The following THSD4 variants were observed in gnomAD, a reference collection of about 807,000 sequenced individuals.
THSD4 encodes thrombospondin type-1 domain-containing protein 4.
Under a neutral mutation model 119.0 loss-of-function variants are expected in THSD4, and 69 were observed. That is an observed-to-expected ratio of 0.58 (90% CI 0.48 to 0.71). THSD4 has a LOEUF of 0.71. Ranked by LOEUF, THSD4 falls within the 30% of genes least tolerant of loss-of-function variation. THSD4 has a pLI of 0.00. For synonymous variants in THSD4, 524 were observed against 540.4 expected, an observed-to-expected ratio of 0.97 and a Z score of 0.42; for missense variants, 1,393 against 1,391.1, an observed-to-expected ratio of 1.00 and a Z score of -0.02.
chr15:71,442,536 T>A, intron 7 of THSD4, among the ~76,000 whole-genome samples: 1 of 119,176 alleles, frequency 8.4e-6, no homozygotes, highest in Non-Finnish European at 1.7e-5. Flanking sequence ...ACCACTACAC[T>A]CCAGCCTGGG....
intron 1 of THSD4, among the ~76,000 whole-genome samples, chr15:71,101,847 G>A (rs1423754875): frequency 6.6e-6 from 1 of 151,904 alleles, no homozygotes; most frequent in Non-Finnish European, 1.5e-5. Context: ...CTGAGTAGCT[G>A]GGACTACGGG....
intron 3 of THSD4, among the ~76,000 whole-genome samples, chr15:71,207,131 A>G (rs781654340): frequency 1.3e-5 from 2 of 152,144 alleles, no homozygotes; most frequent in East Asian, 1.9e-4. Context: ...TTATTTGACC[A>G]TCCTTATATT....
chr15:71,288,770 T>C (rs559230289), intron 6 of THSD4, among the ~76,000 whole-genome samples: 8 of 152,340 alleles, frequency 5.3e-5, no homozygotes, highest in African/African-American at 1.9e-4. Flanking sequence ...ATAGTGCCTA[T>C]ATGTATGTGT....
At chr15:71,679,403 C>A (rs974819300) in intron 8 of THSD4, among the ~76,000 whole-genome samples, 1 of 152,134 alleles carries the variant, frequency 6.6e-6, no homozygotes, top group Non-Finnish European at 1.5e-5. Context: ...GAGAAAGCAG[C>A]ATAGACAATA....
intron 7 of THSD4, among the ~76,000 whole-genome samples, chr15:71,615,885 G>T (rs1436585940): frequency 3.3e-5 from 5 of 152,166 alleles, no homozygotes; most frequent in Non-Finnish European, 5.9e-5. Context: ...TAGTGTGGAT[G>T]AATATGTTCT....
intron 6 of THSD4, among the ~76,000 whole-genome samples, chr15:71,367,925 C>T (rs891023207): frequency 6.6e-6 from 1 of 152,208 alleles, no homozygotes; most frequent in Non-Finnish European, 1.5e-5. Context: ...TTCTATTTCT[C>T]CACATCCTCT....
At chr15:71,554,003 A>C (rs72737255) in intron 7 of THSD4, among the ~76,000 whole-genome samples, 29,614 of 151,382 alleles carry the variant, frequency 0.2, 3,516 homozygotes, top group South Asian at 0.3. Flanking sequence ...GGGTTTTGAT[A>C]GTTTTGTAAA....
In THSD4 at chr15:71,492,466, A is replaced by T. The variant is rs1264749030; in HGVS notation, c.1152+80643A>T. ...TGTTGTTGTTGTTTTTGTATTTTTA[A>T]TAGAGGGGGGGAGTTTCACCAAGTT... On this transcript the variant is annotated intron_variant, in intron 7 of 17. Transcript: ENST00000261862. Among the ~76,000 whole-genome samples the T allele has an allele frequency of 9.9e-5, 15 of 151,614 alleles. 1 individual carries two copies. The highest frequency in any genetic ancestry group is 9.9e-4 in the Admixed American group (15 of 15,200).
chr15:71,540,856 G>A (rs572537399), intron 7 of THSD4, among the ~76,000 whole-genome samples: 1 of 150,908 alleles, frequency 6.6e-6, no homozygotes, highest in South Asian at 2.1e-4. Context: ...CCGAGTAGAT[G>A]GGATTACAAG....
intron 7 of THSD4, among the ~76,000 whole-genome samples, chr15:71,627,262 G>A (rs2050527632): frequency 6.6e-6 from 1 of 152,238 alleles, no homozygotes; most frequent in Non-Finnish European, 1.5e-5. Context: ...GGAACCTCAA[G>A]AGGAAGATGT....
chr15:71,733,981 GTTGTTA>G (rs1224704092), intron 10 of THSD4: 3 of 148,526 alleles, frequency 2.0e-5, no homozygotes, highest in African/African-American at 7.5e-5. Context: ...TGTTGTTGTT[GTTGTTA>G]TTGCTGAAAT....
chr15:71,141,651 G>T (rs2040605733), intron 2 of THSD4, 95 bp downstream of exon 2: 2 of 1,355,006 alleles, frequency 1.5e-6, no homozygotes, highest in East Asian at 2.4e-5. Flanking sequence ...GATCTTAAGG[G>T]TCTGCAGCTG....
chr15:71,462,196 C>G (rs1014236442), intron 7 of THSD4, among the ~76,000 whole-genome samples: 3 of 152,170 alleles, frequency 2.0e-5, no homozygotes, highest in Non-Finnish European at 4.4e-5. Flanking sequence ...GGGTCTCACT[C>G]TGTCACCCCG....
At chr15:71,246,222 G>T (rs1403492261) in intron 5 of THSD4, among the ~76,000 whole-genome samples, 1 of 152,114 alleles carries the variant, frequency 6.6e-6, no homozygotes, top group Non-Finnish European at 1.5e-5. Flanking sequence ...AGAAGAGCTG[G>T]CATGGCAGTG....
intron 7 of THSD4, among the ~76,000 whole-genome samples, chr15:71,600,731 T>G (rs79663463): frequency 6.9e-6 from 1 of 145,460 alleles, no homozygotes; most frequent in South Asian, 2.2e-4. Flanking sequence ...CATGCCTGTC[T>G]TTTTTTTTCT....
At chr15:71,607,377 G>C (rs2050128505) in intron 7 of THSD4, among the ~76,000 whole-genome samples, 1 of 152,250 alleles carries the variant, frequency 6.6e-6, no homozygotes, top group African/African-American at 2.4e-5. Flanking sequence ...ACCATGGTAA[G>C]TTAAGATGTT....
intron 4 of THSD4, among the ~76,000 whole-genome samples, chr15:71,233,011 C>A (rs1475195088): frequency 6.6e-6 from 1 of 152,128 alleles, no homozygotes; most frequent in East Asian, 1.9e-4. Context: ...ATCATAAAGT[C>A]ATTGTTCTTC....
chr15:71,375,189 C>T (rs2046115512), intron 6 of THSD4, among the ~76,000 whole-genome samples: 1 of 152,194 alleles, frequency 6.6e-6, no homozygotes, highest in African/African-American at 2.4e-5. Context: ...TAAAGATGAT[C>T]TTTTCATCCA....
intron 7 of THSD4, among the ~76,000 whole-genome samples, chr15:71,633,141 T>C (rs2050665091): frequency 6.6e-6 from 1 of 152,158 alleles, no homozygotes; most frequent in Non-Finnish European, 1.5e-5. Flanking sequence ...CCCCATCTAT[T>C]GTGTGTATAA....
Sources: gnomAD v4.1 joint callset for allele counts (sites outside exome capture counted in the v4.1 genomes callset) on GRCh38, gnomAD v4.1.1 for gene constraint, MANE v1.5 for transcripts, NCBI Gene and HGNC (gene_info 2026-07-23, HGNC 2026-07-21) for gene names.